PLCB1: variants seen among roughly 807,000 people sequenced by gnomAD.
The protein encoded by PLCB1 is phospholipase C beta 1.
In PLCB1, 46 loss-of-function variants were observed where a neutral mutation model predicts 161.8. That is an observed-to-expected ratio of 0.28 (90% CI 0.22 to 0.36). The LOEUF (loss-of-function observed/expected upper bound fraction) is 0.36. PLCB1 is among the 10% of genes least tolerant of loss of function. PLCB1 has a pLI of 1.00. For missense variants in PLCB1, 1,016 were observed against 1,472.5 expected (o/e 0.69, Z 5.07); for synonymous variants, 517 against 503.7 (o/e 1.03, Z -0.35).
chr20:8,721,282 T>C (rs1212306507), intron 14 of PLCB1, among the ~76,000 whole-genome samples: 1 of 152,238 alleles, frequency 6.6e-6, no homozygotes. Flanking sequence ...AGTTACTTCA[T>C]TGTTGAACCA....
chr20:8,721,818 T>C (rs548270724), intron 14 of PLCB1, among the ~76,000 whole-genome samples: 15 of 152,284 alleles, frequency 9.9e-5, no homozygotes, highest in Middle Eastern at 3.4e-3. Context: ...TCCTAACTTC[T>C]TTGACTTCTG....
intron 4 of PLCB1, among the ~76,000 whole-genome samples, chr20:8,644,065 G>A (rs1483819164): frequency 6.6e-6 from 1 of 152,212 alleles, no homozygotes; most frequent in Admixed American, 6.5e-5. Context: ...CTGAGGTGCC[G>A]GGATTGCAGA....
chr20:8,424,016 C>T (rs907050423), intron 3 of PLCB1, among the ~76,000 whole-genome samples: 4 of 152,172 alleles, frequency 2.6e-5, no homozygotes, highest in Non-Finnish European at 5.9e-5. Flanking sequence ...AGACTGCCCT[C>T]TGGAAGAACA....
rs371591614 is a variant in PLCB1, at chr20:8,785,444, A to G, written c.3112-3005A>G. On this transcript the variant is annotated intron_variant, in intron 27 of 31. Transcript: ENST00000338037. ...AGGTCATCAGCTCAGAGTTTCTAGA[A>G]CAGTGCCTGCTATTTAGTAGGTGCT... 1.4e-3 allele frequency among the ~76,000 whole-genome samples: 217 copies of G among 152,300 alleles called. 8 individuals carry two copies. The South Asian group carries it at 0.044, about 31-fold the overall frequency.
intron 31 of PLCB1, 92 bp from the exon 32 acceptor site, chr20:8,881,530 C>A: frequency 2.2e-6 from 2 of 899,128 alleles, no homozygotes; most frequent in East Asian, 4.8e-5. Flanking sequence ...ATTCATCAGC[C>A]CCTTTTGTAT....
At chr20:8,582,435 A>G (rs12624339) in intron 3 of PLCB1, among the ~76,000 whole-genome samples, 23,043 of 152,100 alleles carry the variant, frequency 0.15, 1,842 homozygotes, top group East Asian at 0.25. Flanking sequence ...CCGTGGTACC[A>G]TTCATACTCC....
At chr20:8,489,994 T>G (rs6077367) in intron 3 of PLCB1, among the ~76,000 whole-genome samples, 81,699 of 151,882 alleles carry the variant, frequency 0.54, 22,989 homozygotes, top group East Asian at 0.65. Flanking sequence ...CAGTCATTTT[T>G]GGGGTAAGAT....
At chr20:8,869,170 G>A (rs948279936) in intron 31 of PLCB1, among the ~76,000 whole-genome samples, 26 of 150,496 alleles carry the variant, frequency 1.7e-4, no homozygotes, top group Admixed American at 1.2e-3. Context: ...TTTGACAAAC[G>A]TCTTTGGGTT....
intron 3 of PLCB1, among the ~76,000 whole-genome samples, chr20:8,508,268 T>A (rs1473256880): frequency 1.3e-5 from 2 of 151,660 alleles, no homozygotes; most frequent in African/African-American, 2.4e-5. Context: ...AGGAGGGGAG[T>A]TATTCAACTT....
chr20:8,374,482 A>G lies in PLCB1; in HGVS notation c.246+3032A>G, dbSNP rs184961835. Among the ~76,000 whole-genome samples the G allele has an allele frequency of 1.8e-3, 277 of 152,236 alleles. 3 individuals are homozygous for G. Among genetic ancestry groups the G allele is most frequent in the African/African-American group, 6.1e-3 (254 of 41,544 alleles). ...CATCTTCAGGTTCCCCTTGGATGCT[A>G]CCCTCTGCACACCACCCTTGGCAGC... On this transcript the variant is annotated intron_variant, in intron 3 of 31. Transcript: ENST00000338037.
intron 2 of PLCB1, among the ~76,000 whole-genome samples, chr20:8,176,335 T>C (rs2051783366): frequency 6.6e-6 from 1 of 152,196 alleles, no homozygotes; most frequent in Non-Finnish European, 1.5e-5. Context: ...ACTATTGGTG[T>C]ACTTAGCCTG....
chr20:8,781,272 AT>A (rs572690542), intron 27 of PLCB1, among the ~76,000 whole-genome samples: 51 of 152,112 alleles, frequency 3.4e-4, no homozygotes, highest in African/African-American at 1.2e-3. Context: ...AAAATGTTGC[AT>A]TTTTCTACTA....
chr20:8,585,387 G>T (rs897987324), intron 3 of PLCB1, among the ~76,000 whole-genome samples: 5 of 152,208 alleles, frequency 3.3e-5, no homozygotes, highest in Admixed American at 3.3e-4. Context: ...CAGCTCAGAA[G>T]AGGTCACAGT....
intron 3 of PLCB1, among the ~76,000 whole-genome samples, chr20:8,449,002 A>G (rs1450882707): frequency 1.3e-5 from 2 of 152,210 alleles, no homozygotes; most frequent in South Asian, 2.1e-4. Context: ...TATCTCATCC[A>G]TTGGCTATTT....
intron 31 of PLCB1, among the ~76,000 whole-genome samples, chr20:8,829,457 AG>A (rs1173735566): frequency 1.3e-5 from 2 of 152,222 alleles, no homozygotes; most frequent in East Asian, 1.9e-4. Flanking sequence ...AGATTTTAAA[AG>A]GATTTCTGAG....
At chr20:8,586,809 A>G (rs1987005180) in intron 3 of PLCB1, among the ~76,000 whole-genome samples, 1 of 152,016 alleles carries the variant, frequency 6.6e-6, no homozygotes, top group South Asian at 2.1e-4. Flanking sequence ...GCCCCTCCAC[A>G]CCTTTGTGTT....
chr20:8,132,515 C>T lies in PLCB1; in HGVS notation c.-137C>T. 2.3e-6 allele frequency: 1 copy of T among 440,774 alleles called. No individual in the cohort carries two copies. Among genetic ancestry groups the T allele is most frequent in the South Asian group, 7.3e-5 (1 of 13,640 alleles). 27.3% of individuals were successfully genotyped at this position (440,774 alleles called of 1,614,324 possible). On this transcript the variant is annotated 5_prime_UTR_variant, in exon 1 of 32. Transcript: ENST00000338037. The surrounding 1 kb of genome is among the most constrained non-coding windows in gnomAD (Gnocchi z 5.2). ...GAGGGAGGTGCGGAGGCCGGGAGGCCGGGGAGGCCGGCGGGGAGCAGAGTC... is the reference window on the plus strand; with the variant it reads ...GAGGGAGGTGCGGAGGCCGGGAGGCTGGGGAGGCCGGCGGGGAGCAGAGTC...
intron 2 of PLCB1, among the ~76,000 whole-genome samples, chr20:8,206,982 A>T (rs1978569020): frequency 7.0e-6 from 1 of 143,802 alleles, no homozygotes. Context: ...AAATACAAGG[A>T]GAATAAAAAT....
intron 2 of PLCB1, among the ~76,000 whole-genome samples, chr20:8,198,019 A>G (rs1432045627): frequency 6.6e-6 from 1 of 152,042 alleles, no homozygotes; most frequent in Non-Finnish European, 1.5e-5. Flanking sequence ...ATTGGTCTAT[A>G]TCTCTATTTT....
Sources: gnomAD v4.1 joint callset for allele counts (sites outside exome capture counted in the v4.1 genomes callset) on GRCh38, gnomAD v4.1.1 for gene constraint, Gnocchi (gnomAD v3.1) non-coding constraint, MANE v1.5 for transcripts, NCBI Gene and HGNC (gene_info 2026-07-23, HGNC 2026-07-21) for gene names.